The following MALRD1 variants were observed in gnomAD, a reference collection of about 807,000 sequenced individuals.
The protein encoded by MALRD1 is MAM and LDL receptor class A domain containing 1.
MALRD1 carries 247 observed loss-of-function variants against 242.1 expected under a neutral mutation model. That is an observed-to-expected ratio of 1.02 (90% CI 0.92 to 1.13). The LOEUF (loss-of-function observed/expected upper bound fraction) is 1.13, where lower values mean the gene tolerates loss of function less well. MALRD1 is among the 50% of genes most tolerant of loss of function. The pLI is 0.00. For missense variants in MALRD1, 2,989 were observed against 2,533.1 expected (o/e 1.18, Z -3.86); for synonymous variants, 995 against 866.6 (o/e 1.15, Z -2.60).
intron 19 of MALRD1, 76 bp downstream of exon 19, chr10:19,257,847 C>A: frequency 9.8e-7 from 1 of 1,017,974 alleles, no homozygotes; most frequent in Non-Finnish European, 1.4e-6. Context: ...ATCAATATTT[C>A]ATTTCTACAA....
intron 32 of MALRD1, among the ~76,000 whole-genome samples, chr10:19,543,917 C>T (rs569134720): frequency 1.2e-4 from 19 of 152,228 alleles, no homozygotes; most frequent in African/African-American, 4.6e-4. Flanking sequence ...TTAATTTCTC[C>T]TCACCTTCTT....
intron 32 of MALRD1, among the ~76,000 whole-genome samples, chr10:19,560,977 C>A (rs2131438390): frequency 6.6e-6 from 1 of 151,824 alleles, no homozygotes; most frequent in South Asian, 2.1e-4. Flanking sequence ...GATAATCATA[C>A]TAAAGGAAAA....
chr10:19,370,174 C>A (rs1247111098), intron 26 of MALRD1, among the ~76,000 whole-genome samples: 1 of 152,118 alleles, frequency 6.6e-6, no homozygotes, highest in Non-Finnish European at 1.5e-5. Context: ...ACCTGTAGAT[C>A]TACAACTGGT....
chr10:19,307,179 C>T (rs180673570), intron 21 of MALRD1, among the ~76,000 whole-genome samples: 11 of 151,550 alleles, frequency 7.3e-5, no homozygotes, highest in African/African-American at 2.2e-4. Flanking sequence ...AAAGTGGGTA[C>T]CCATTATATA....
intron 18 of MALRD1, among the ~76,000 whole-genome samples, chr10:19,243,540 C>A (rs915532977): frequency 1.3e-5 from 2 of 151,948 alleles, no homozygotes; most frequent in African/African-American, 4.8e-5. Context: ...GTGTATTATC[C>A]TCAGACGTAA....
intron 5 of MALRD1, among the ~76,000 whole-genome samples, chr10:19,104,572 T>G (rs1305470378): frequency 6.6e-6 from 1 of 152,136 alleles, no homozygotes; most frequent in Non-Finnish European, 1.5e-5. Flanking sequence ...TAATATTCTA[T>G]TCTTCATTTA....
chr10:19,627,584 A>G (rs1269832741), intron 36 of MALRD1, among the ~76,000 whole-genome samples: 2 of 151,864 alleles, frequency 1.3e-5, no homozygotes, highest in Non-Finnish European at 2.9e-5. Flanking sequence ...AAAAATATAA[A>G]AATACAATTA....
At chr10:19,631,944 C>G (rs1337389082) in intron 36 of MALRD1, among the ~76,000 whole-genome samples, 6 of 152,118 alleles carry the variant, frequency 3.9e-5, no homozygotes, top group Non-Finnish European at 5.9e-5. Flanking sequence ...TGTTTGTTTA[C>G]TCTGTTGATA....
chr10:19,579,601 C>G lies in MALRD1; in HGVS notation c.5680+11898C>G, dbSNP rs981895227. Among the ~76,000 whole-genome samples, 10 of 152,230 alleles carry G rather than the reference C, an allele frequency of 6.6e-5. No homozygotes were observed. In the East Asian group the frequency reaches 1.9e-3, roughly 29 times the overall value. Reference sequence around the variant, plus strand: ...CTTTCTCAGCCCTATATCAGCTAGCCAAGAATATAATGCATATCCTATCAT... The same window carrying G: ...CTTTCTCAGCCCTATATCAGCTAGCGAAGAATATAATGCATATCCTATCAT... On this transcript the variant is annotated intron_variant, in intron 33 of 39. Transcript: ENST00000454679.
intron 24 of MALRD1, among the ~76,000 whole-genome samples, chr10:19,334,066 G>A (rs1351567050): frequency 6.9e-6 from 1 of 143,898 alleles, no homozygotes; most frequent in African/African-American, 2.6e-5. Flanking sequence ...TGTATGCGTA[G>A]TCTGTGACTA....
At position 19,136,702 on chromosome 10, in the gene MALRD1, C is replaced by T. The variant is rs1373929840; in HGVS notation, c.1332C>T (p.Gly444=). Reference sequence around the variant, plus strand: ...CAGACGAATTCCCTTGCACTAGTGGCCAGTGCATCGCCAAAGAATCTGTCT... The same window carrying T: ...CAGACGAATTCCCTTGCACTAGTGGTCAGTGCATCGCCAAAGAATCTGTCT... ...CSADEFPCTS[G]QCIAKESVCD... The change falls in exon 10 of 40, where the codon GGC becomes GGT. Residue 444 remains glycine (G), a synonymous_variant. Coordinates refer to ENST00000454679, the MANE Select transcript of MALRD1 (RefSeq NM_001142308.3). 4.9e-6 allele frequency: 6 copies of T among 1,231,676 alleles called. No homozygotes were observed. The highest frequency in any genetic ancestry group is 5.1e-6 in the Non-Finnish European group (5 of 987,984). 76.3% of individuals were successfully genotyped at this position (1,231,676 alleles called of 1,614,324 possible).
chr10:19,513,530 G>A, intron 31 of MALRD1, among the ~76,000 whole-genome samples: 1 of 151,796 alleles, frequency 6.6e-6, no homozygotes, highest in Admixed American at 6.6e-5. Context: ...ACGAGGTCAG[G>A]AGATTGAGAC....
rs545840926 is a variant in MALRD1 at position 19,478,259 on chromosome 10, G to A, written c.5030-13258G>A. The stretch of plus-strand genomic sequence containing the variant: ...CTAAGCAAAAGCTATCTGAACAAAG[G>A]AAATAATCATCTCCCAAGACAAAAG... On this transcript the variant is annotated intron_variant, in intron 29 of 39. Transcript: ENST00000454679. Among the ~76,000 whole-genome samples, 25 of 152,266 alleles carry A rather than the reference G, an allele frequency of 1.6e-4. No individual in the cohort carries two copies. The South Asian group carries it at 5.2e-3, about 32-fold the overall frequency.
At chr10:19,168,470 G>C (rs1418089678) in intron 13 of MALRD1, among the ~76,000 whole-genome samples, 1 of 152,194 alleles carries the variant, frequency 6.6e-6, no homozygotes, top group Non-Finnish European at 1.5e-5. Context: ...CTAGCAGTAA[G>C]TAATTTAGAA....
At chr10:19,352,684 G>T (rs1844443514) in intron 26 of MALRD1, among the ~76,000 whole-genome samples, 1 of 152,146 alleles carries the variant, frequency 6.6e-6, no homozygotes. Flanking sequence ...CATTTTTGTG[G>T]TTATGATATT....
chr10:19,355,459 A>G (rs1229789421), intron 26 of MALRD1, among the ~76,000 whole-genome samples: 1 of 151,896 alleles, frequency 6.6e-6, no homozygotes, highest in South Asian at 2.1e-4. Context: ...GTATTCATTC[A>G]TATAAAGTAT....
chr10:19,182,797 C>T (rs16918323), intron 14 of MALRD1, among the ~76,000 whole-genome samples: 21,100 of 152,026 alleles, frequency 0.14, 1,570 homozygotes, highest in Middle Eastern at 0.2. Context: ...GGAGGAGAAA[C>T]GATGCCCTTA....
chr10:19,491,442 A>C, intron 29 of MALRD1, 75 bp from the exon 30 acceptor site: 1 of 1,497,654 alleles, frequency 6.7e-7, no homozygotes, highest in Middle Eastern at 1.7e-4. Flanking sequence ...AAATCTATAA[A>C]ATACCTAACA....
intron 33 of MALRD1, among the ~76,000 whole-genome samples, chr10:19,589,207 A>T (rs1285464374): frequency 1.3e-5 from 2 of 152,198 alleles, no homozygotes; most frequent in African/African-American, 4.8e-5. Flanking sequence ...GGGTGGATAG[A>T]TAGATAGATA....
Sources: gnomAD v4.1 joint callset for allele counts (sites outside exome capture counted in the v4.1 genomes callset) on GRCh38, gnomAD v4.1.1 for gene constraint, MANE v1.5 for transcripts, NCBI Gene and HGNC (gene_info 2026-07-23, HGNC 2026-07-21) for gene names.